Variants in EPB41L4A observed in about 807,000 individuals in gnomAD.
EPB41L4A encodes the protein erythrocyte membrane protein band 4.1 like 4A, also known as band 4.1-like protein 4A.
A neutral mutation model predicts 108.6 loss-of-function variants in EPB41L4A; 100 were observed. The observed-to-expected ratio is 0.92, with a 90% CI of 0.78 to 1.09. EPB41L4A has a LOEUF of 1.09. Ranked by LOEUF, EPB41L4A falls within the 50% of genes least tolerant of loss-of-function variation. The probability of loss-of-function intolerance (pLI) is 0.00; values close to 1 mark genes in which losing one functional copy is unlikely to be tolerated. For synonymous variants in EPB41L4A, 319 were observed against 289.0 expected (o/e 1.10, Z -1.05); for missense variants, 1,030 against 842.7 (o/e 1.22, Z -2.75).
intron 12 of EPB41L4A, among the ~76,000 whole-genome samples, chr5:112,223,241 A>G (rs1479747759): frequency 1.3e-5 from 2 of 151,994 alleles, no homozygotes; most frequent in African/African-American, 2.4e-5. Context: ...TGCCCGACCG[A>G]AAGTAGTTTC....
chr5:112,242,169 T>G (rs1464062393), intron 9 of EPB41L4A, among the ~76,000 whole-genome samples: 1 of 152,206 alleles, frequency 6.6e-6, no homozygotes, highest in East Asian at 1.9e-4. Flanking sequence ...TGAAGAAAGA[T>G]TTCTCTGCAG....
At chr5:112,392,420 A>T (rs1412660011) in intron 1 of EPB41L4A, among the ~76,000 whole-genome samples, 1 of 150,398 alleles carries the variant, frequency 6.6e-6, no homozygotes. Context: ...AAAAAAAAAA[A>T]AAAAGCAGGG....
At chr5:112,335,243 A>G (rs564805234) in intron 1 of EPB41L4A, among the ~76,000 whole-genome samples, 1 of 152,346 alleles carries the variant, frequency 6.6e-6, no homozygotes, top group South Asian at 2.1e-4. Flanking sequence ...GTCTGTATCT[A>G]TTAACACCCA....
intron 1 of EPB41L4A, among the ~76,000 whole-genome samples, chr5:112,341,385 G>T (rs1377435233): frequency 6.6e-6 from 1 of 152,076 alleles, no homozygotes; most frequent in Non-Finnish European, 1.5e-5. Flanking sequence ...AAAACATACT[G>T]TGTGTGTATG....
chr5:112,265,305 T>C (rs1163343726), intron 5 of EPB41L4A, among the ~76,000 whole-genome samples: 1 of 152,178 alleles, frequency 6.6e-6, no homozygotes, highest in Admixed American at 6.5e-5. Flanking sequence ...AAGTAAAATG[T>C]TGTAAACAGC....
At chr5:112,338,725 G>C (rs1160143351) in intron 1 of EPB41L4A, among the ~76,000 whole-genome samples, 2 of 152,204 alleles carry the variant, frequency 1.3e-5, no homozygotes, top group African/African-American at 4.8e-5. Flanking sequence ...AACAGGGTTG[G>C]AAAACTACAA....
In EPB41L4A at chr5:112,178,024, G is replaced by T. The variant is rs541293744; in HGVS notation, c.1622+5992C>A. Among the ~76,000 whole-genome samples the T allele has an allele frequency of 7.3e-5, 11 of 150,758 alleles. No homozygotes were observed. The East Asian group carries it at 2.2e-3, about 30-fold the overall frequency. The stretch of plus-strand genomic sequence containing the variant: ...GCTAAACACTGAACTTAAAAGACAG[G>T]GATTGTCAGGCTAGAATTAAAAAAA... On this transcript the variant is annotated intron_variant, in intron 18 of 22. Coordinates refer to ENST00000261486, the MANE Select transcript of EPB41L4A (RefSeq NM_022140.5).
chr5:112,261,780 C>T lies in EPB41L4A; in HGVS notation c.642+714G>A, dbSNP rs531078108. Among the ~76,000 whole-genome samples the T allele has an allele frequency of 2.0e-4, 30 of 152,240 alleles. No individual in the cohort carries two copies. The East Asian group carries it at 5.2e-3, about 26-fold the overall frequency. ...TAGTTGCACCTGGCCTATTGCCTAACGCATCCTTTACCTGGCAAGTGATTG... is the reference window on the plus strand; with the variant it reads ...TAGTTGCACCTGGCCTATTGCCTAATGCATCCTTTACCTGGCAAGTGATTG... On this transcript the variant is annotated intron_variant, in intron 7 of 22. Transcript: ENST00000261486.
At chr5:112,295,375 A>C (rs1753922223) in intron 2 of EPB41L4A, among the ~76,000 whole-genome samples, 1 of 152,212 alleles carries the variant, frequency 6.6e-6, no homozygotes, top group African/African-American at 2.4e-5. Flanking sequence ...TTCCCAAAGG[A>C]TACATGGGTA....
chr5:112,263,900 C>A (rs544739575), intron 6 of EPB41L4A: 1 of 152,150 alleles, frequency 6.6e-6, no homozygotes, highest in African/African-American at 2.4e-5. Context: ...GCAACCTCCA[C>A]CTCCAGGGTT....
At chr5:112,322,812 T>C (rs1755893126) in intron 1 of EPB41L4A, among the ~76,000 whole-genome samples, 1 of 151,868 alleles carries the variant, frequency 6.6e-6, no homozygotes, top group Non-Finnish European at 1.5e-5. Flanking sequence ...GCCTGCCTGA[T>C]AAATAGGAAC....
Position 112,259,279 on chromosome 5 carries a change from T to C in EPB41L4A, c.745A>G (p.Lys249Glu). 1 of 1,613,962 alleles carries C rather than the reference T, an allele frequency of 6.2e-7. No individual in the cohort carries two copies. Among genetic ancestry groups the C allele is most frequent in the Non-Finnish European group, 8.5e-7 (1 of 1,179,830 alleles). The change falls in exon 9 of 23, where the codon AAG becomes GAG. Residue 249 changes from lysine (K) to glutamate (E), a missense_variant. Coordinates refer to ENST00000261486, the MANE Select transcript of EPB41L4A (RefSeq NM_022140.5). ...AATTGAGTCTCCTTGAAGTGAACCT[T>C]TGTAATCCGAGGCCTAAAAAACAAA... Reference protein sequence around the residue: ...VGKYFWPRITKVHFKETQFEL... With the variant: ...VGKYFWPRITEVHFKETQFEL...
intron 1 of EPB41L4A, among the ~76,000 whole-genome samples, chr5:112,326,335 A>C (rs976758453): frequency 2.0e-5 from 3 of 152,096 alleles, no homozygotes; most frequent in Non-Finnish European, 4.4e-5. Flanking sequence ...TAACTGCCAG[A>C]CCTACACACA....
chr5:112,278,747 C>A (rs1005900709), intron 3 of EPB41L4A, among the ~76,000 whole-genome samples: 1 of 151,434 alleles, frequency 6.6e-6, no homozygotes, highest in Non-Finnish European at 1.5e-5. Context: ...ATAAAAGAAA[C>A]CTGTGAGTTT....
intron 13 of EPB41L4A, among the ~76,000 whole-genome samples, chr5:112,145,315 G>A (rs960133164): frequency 8.5e-5 from 13 of 152,084 alleles, no homozygotes; most frequent in Non-Finnish European, 1.5e-4. Context: ...ATTTGATAAC[G>A]GAGATTTTAT....
chr5:112,377,265 G>A (rs1262720171), intron 1 of EPB41L4A, among the ~76,000 whole-genome samples: 2 of 151,006 alleles, frequency 1.3e-5, no homozygotes, highest in East Asian at 3.9e-4. Context: ...TAATGGAAAT[G>A]CTCTGTACCT....
chr5:112,282,493 C>T (rs956113918), intron 2 of EPB41L4A, among the ~76,000 whole-genome samples: 9 of 152,326 alleles, frequency 5.9e-5, no homozygotes, highest in African/African-American at 2.2e-4. Flanking sequence ...TTTATTATCT[C>T]AGAGTGCTGA....
At chr5:112,361,704 A>T (rs937233093) in intron 1 of EPB41L4A, among the ~76,000 whole-genome samples, 29 of 76,422 alleles carry the variant, frequency 3.8e-4, no homozygotes, top group African/African-American at 1.1e-3. Flanking sequence ...CAAAAATGCT[A>T]AAAAAAAATA....
chr5:112,368,988 T>C (rs1157162686), intron 1 of EPB41L4A, among the ~76,000 whole-genome samples: 1 of 152,188 alleles, frequency 6.6e-6, no homozygotes, highest in Non-Finnish European at 1.5e-5. Context: ...AAGTTGTATC[T>C]CCTTCCACGG....
Sources: gnomAD v4.1 joint callset for allele counts (sites outside exome capture counted in the v4.1 genomes callset) on GRCh38, gnomAD v4.1.1 for gene constraint, MANE v1.5 for transcripts, NCBI Gene and HGNC (gene_info 2026-07-23, HGNC 2026-07-21) for gene names.